STYXL1: variants seen among roughly 807,000 people sequenced by gnomAD.
STYXL1 encodes serine/threonine/tyrosine interacting like 1, also known as serine/threonine/tyrosine-interacting-like protein 1.
A neutral mutation model predicts 36.4 loss-of-function variants in STYXL1; 32 were observed. The observed-to-expected ratio is 0.88, with a 90% CI of 0.66 to 1.18. The LOEUF (loss-of-function observed/expected upper bound fraction) is 1.18, where lower values mean the gene tolerates loss of function less well. Ranked by LOEUF, STYXL1 falls within the 50% of genes most tolerant of loss-of-function variation. The probability of loss-of-function intolerance (pLI) is 0.00; values close to 1 mark genes in which losing one functional copy is unlikely to be tolerated. For synonymous variants in STYXL1, 133 were observed against 144.1 expected, an observed-to-expected ratio of 0.92 and a Z score of 0.55; for missense variants, 354 against 394.1, an observed-to-expected ratio of 0.90 and a Z score of 0.86.
In STYXL1 at chr7:76,021,884, C is replaced by G. The variant is rs556978337; in HGVS notation, c.274G>C (p.Asp92His). Residue 92 changes from aspartate to histidine, a missense_variant, in exon 4 of 9, where the codon GAT becomes CAT. Physicochemically the swap from Asp to His is moderately conservative, Grantham distance 81. Transcript: ENST00000359697. ...STLEILLKDD[D>H]DDSDSDGDGK... ...TCACCATCAGAGTCTGAATCATCATCATCATCTTTTAAGAGTATCTCCAGG... is the reference window on the plus strand; with the variant it reads ...TCACCATCAGAGTCTGAATCATCATGATCATCTTTTAAGAGTATCTCCAGG... 3 of 1,613,738 alleles carry G rather than the reference C, an allele frequency of 1.9e-6. No individual in the cohort carries two copies. The highest frequency in any genetic ancestry group is 1.7e-6 in the Non-Finnish European group (2 of 1,179,956).
chr7:76,009,181 G>A (rs140031160), intron 5 of STYXL1, among the ~76,000 whole-genome samples: 38 of 152,250 alleles, frequency 2.5e-4, no homozygotes, highest in African/African-American at 8.9e-4. Flanking sequence ...TAAATGCTCA[G>A]TGACACAATG....
intron 2 of STYXL1, among the ~76,000 whole-genome samples, chr7:76,029,578 ATT>A (rs1795099935): frequency 6.6e-6 from 1 of 152,172 alleles, no homozygotes; most frequent in Non-Finnish European, 1.5e-5. Flanking sequence ...ACTCAAGCCC[ATT>A]ACATTTTTTG....
At chr7:76,031,829 C>T (rs1554579448) in intron 1 of STYXL1, among the ~76,000 whole-genome samples, 1 of 152,128 alleles carries the variant, frequency 6.6e-6, no homozygotes, top group Non-Finnish European at 1.5e-5. Flanking sequence ...AGTTCATTTG[C>T]TTATTTAGCA....
chr7:76,030,507 A>C lies in STYXL1; in HGVS notation c.17T>G (p.Leu6Ter), dbSNP rs1554578964. The part of the protein sequence containing the change: MPGLL[L>*]CEPTELYNIL... ...GTTGTAAAGCTCTGTTGGTTCACAT[A>C]AAAGCAAACCAGGCATCCTGCTGGG... Residue 6 changes from leucine (L) to a stop codon, truncating the protein, a stop_gained, in exon 2 of 9, where the codon TTA becomes TGA. Coordinates refer to ENST00000359697, the MANE Select transcript of STYXL1 (RefSeq NM_001317785.2). LOFTEE classifies it high-confidence loss of function. 1 of 1,613,306 alleles carries C rather than the reference A, an allele frequency of 6.2e-7. No homozygotes were observed. Among genetic ancestry groups the C allele is most frequent in the Middle Eastern group, 1.7e-4 (1 of 6,060 alleles).
rs142400178 is a variant in STYXL1, at chr7:76,045,681, G to A, written c.-5+1981C>T. On this transcript the variant is annotated intron_variant, in intron 1 of 8. Transcript: ENST00000359697. ...ACTGCACTGCAGCCTGGGCAACAGC[G>A]TGAGGCTCCATCTCAAATAAATAAA... is the stretch of plus-strand genomic sequence containing the variant. 1,490 of 152,334 alleles carry A rather than the reference G, an allele frequency of 9.8e-3. 27 individuals are homozygous for A. Among genetic ancestry groups the A allele is most frequent in the Non-Finnish European group, 9.5e-3 (649 of 68,046 alleles). The allele number at this position is 152,334 out of a possible 1,614,324, so 9.4% of individuals were successfully genotyped here. A position where few individuals can be genotyped will look rare whatever the true frequency, so the allele number is the denominator to read the frequency against.
intron 1 of STYXL1, among the ~76,000 whole-genome samples, chr7:76,032,317 T>C (rs1418643711): frequency 6.6e-6 from 1 of 150,920 alleles, no homozygotes; most frequent in African/African-American, 2.4e-5. Flanking sequence ...GGAGAATCAC[T>C]TGAGGCTGGG....
chr7:76,001,317 A>G (rs1002516679), intron 7 of STYXL1, among the ~76,000 whole-genome samples: 1 of 152,164 alleles, frequency 6.6e-6, no homozygotes, highest in African/African-American at 2.4e-5. Context: ...TATGGGGCGG[A>G]CAGGACCATC....
intron 8 of STYXL1, chr7:76,000,645 G>T (rs1262461524): frequency 1.5e-5 from 9 of 593,140 alleles, no homozygotes; most frequent in African/African-American, 1.3e-4. Flanking sequence ...AGCAGTGGGG[G>T]CTGCAGGACA....
intron 4 of STYXL1, among the ~76,000 whole-genome samples, chr7:76,019,914 C>CGA (rs1563492159): frequency 7.5e-6 from 1 of 133,136 alleles, no homozygotes; most frequent in African/African-American, 3.0e-5. Context: ...GGCAACAAAG[C>CGA]GAGACCCTGA....
chr7:76,009,247 C>T (rs567817674), intron 5 of STYXL1, among the ~76,000 whole-genome samples: 4 of 151,938 alleles, frequency 2.6e-5, no homozygotes, highest in African/African-American at 7.2e-5. Flanking sequence ...CTGCCTTCCC[C>T]CAAAACCACC....
At chr7:76,033,061 C>T (rs1795545244) in intron 1 of STYXL1, among the ~76,000 whole-genome samples, 1 of 152,156 alleles carries the variant, frequency 6.6e-6, no homozygotes, top group African/African-American at 2.4e-5. Flanking sequence ...CTCCAGTTGG[C>T]AGAGCTGCTC....
At chr7:75,999,556 T>TATATATA (rs56000336) in intron 8 of STYXL1, among the ~76,000 whole-genome samples, 1 of 145,944 alleles carries the variant, frequency 6.9e-6, no homozygotes, top group Non-Finnish European at 1.5e-5. Flanking sequence ...TGTGTGTATA[T>TATATATA]TTTTTTTTGA....
chr7:76,016,424 C>CAT (rs1164619397), intron 4 of STYXL1, among the ~76,000 whole-genome samples: 2 of 146,954 alleles, frequency 1.4e-5, no homozygotes, highest in African/African-American at 2.7e-5. Context: ...TACGTATACA[C>CAT]ATATATACAT....
chr7:76,020,980 C>T (rs1194098496), intron 4 of STYXL1, among the ~76,000 whole-genome samples: 1 of 152,188 alleles, frequency 6.6e-6, no homozygotes, highest in Non-Finnish European at 1.5e-5. Context: ...GCAGCACATT[C>T]AGCATTCATC....
chr7:75,998,168 C>T (rs1790366085), intron 8 of STYXL1, among the ~76,000 whole-genome samples: 1 of 152,208 alleles, frequency 6.6e-6, no homozygotes, highest in South Asian at 2.1e-4. Context: ...TCTCACACTT[C>T]CTGATTTCAA....
chr7:75,999,414 T>C (rs1387972428), intron 8 of STYXL1, among the ~76,000 whole-genome samples: 1 of 152,106 alleles, frequency 6.6e-6, no homozygotes, highest in Admixed American at 6.5e-5. Context: ...TTTGGGAGAT[T>C]AGTTGTACAA....
chr7:76,044,365 G>T (rs1554582885), intron 1 of STYXL1: 1 of 152,218 alleles, frequency 6.6e-6, no homozygotes, highest in African/African-American at 2.4e-5. Flanking sequence ...GCCCAGGCTG[G>T]TATTGAACTC....
chr7:75,996,709 C>A, intron 8 of STYXL1, 110 bp from the exon 9 acceptor site: 1 of 1,030,166 alleles, frequency 9.7e-7, no homozygotes, highest in South Asian at 1.5e-5. Flanking sequence ...GCCAGCAACA[C>A]GGCTTAAGGG....
intron 2 of STYXL1, among the ~76,000 whole-genome samples, chr7:76,029,351 TGGCCAG>T (rs1795076627): frequency 6.6e-6 from 1 of 151,882 alleles, no homozygotes; most frequent in Non-Finnish European, 1.5e-5. Context: ...TTCACCATGT[TGGCCAG>T]GCTGGTCTCA....
Sources: allele counts gnomAD v4.1 joint callset (sites outside exome capture counted in the v4.1 genomes callset), GRCh38; gene constraint gnomAD v4.1.1; transcripts MANE v1.5; gene names NCBI Gene and HGNC (gene_info 2026-07-23, HGNC 2026-07-21).